TMEM114: variants seen among roughly 807,000 people sequenced by gnomAD.
TMEM114 encodes the protein claudin-26.
Under a neutral mutation model 6.2 loss-of-function variants are expected in TMEM114, and 6 were observed. The ratio of observed to expected loss-of-function variants is 0.97; its 90% CI spans 0.53 to 1.91. TMEM114 has a LOEUF of 1.91. Ranked by LOEUF, TMEM114 falls within the 40% of genes most tolerant of loss-of-function variation. The probability of loss-of-function intolerance (pLI) is 0.01; values close to 1 mark genes in which losing one functional copy is unlikely to be tolerated. For synonymous variants in TMEM114, 104 were observed against 73.0 expected (o/e 1.42, Z -2.16); for missense variants, 218 against 158.3 (o/e 1.38, Z -2.02).
chr16:8,541,582 C>T (rs555637455), intron 2 of TMEM114, among the ~76,000 whole-genome samples: 3 of 152,118 alleles, frequency 2.0e-5, no homozygotes, highest in Non-Finnish European at 2.9e-5. Context: ...TCATTCCAGT[C>T]CCACATCTTC....
At chr16:8,538,374 A>G (rs1900422041) in intron 2 of TMEM114, among the ~76,000 whole-genome samples, 1 of 152,128 alleles carries the variant, frequency 6.6e-6, no homozygotes, top group Admixed American at 6.5e-5. Context: ...GAGATAAGCC[A>G]GTGGGCAGAT....
the TMEM114 span, among the ~76,000 whole-genome samples, chr16:8,531,766 G>C: frequency 1.3e-5 from 2 of 152,216 alleles, no homozygotes; most frequent in Admixed American, 6.5e-5. Flanking sequence ...AATGATCAAT[G>C]TAACAGTCAA....
chr16:8,547,792 C>A (rs1380398887), intron 2 of TMEM114, among the ~76,000 whole-genome samples: 3 of 152,076 alleles, frequency 2.0e-5, no homozygotes, highest in African/African-American at 7.2e-5. Context: ...GAAGTGCGGA[C>A]CACAGTCATG....
At chr16:8,550,686 A>C (rs1346740518) in intron 2 of TMEM114, among the ~76,000 whole-genome samples, 1 of 70,164 alleles carries the variant, frequency 1.4e-5, no homozygotes, top group Non-Finnish European at 2.9e-5. Context: ...CAAAAAAAAC[A>C]AAAAAAAAAA....
intron 2 of TMEM114, among the ~76,000 whole-genome samples, chr16:8,540,837 G>A (rs1900495851): frequency 6.6e-6 from 1 of 152,242 alleles, no homozygotes; most frequent in Non-Finnish European, 1.5e-5. Context: ...GATGTTTCAA[G>A]AGCTGACAAC....
chr16:8,553,369 A>G (rs539556446), intron 2 of TMEM114, among the ~76,000 whole-genome samples: 1 of 152,346 alleles, frequency 6.6e-6, no homozygotes, highest in South Asian at 2.1e-4. Flanking sequence ...TGTAGAGTCC[A>G]AAGAATCAGG....
intron 2 of TMEM114, among the ~76,000 whole-genome samples, chr16:8,561,226 C>A (rs1005001076): frequency 1.3e-5 from 2 of 152,232 alleles, no homozygotes; most frequent in African/African-American, 4.8e-5. Flanking sequence ...GATTCCCCTT[C>A]CCTTGCCTAT....
chr16:8,588,863 C>T (rs918108584), intron 2 of TMEM114, among the ~76,000 whole-genome samples: 1 of 152,224 alleles, frequency 6.6e-6, no homozygotes, highest in South Asian at 2.1e-4. Context: ...GGCTTCCCAC[C>T]TTCCCTTCCT....
At chr16:8,573,937 G>T (rs528471141) in intron 2 of TMEM114, among the ~76,000 whole-genome samples, 1 of 152,242 alleles carries the variant, frequency 6.6e-6, no homozygotes, top group Non-Finnish European at 1.5e-5. Context: ...GTTTCTAGCA[G>T]AGGTTCTGTT....
At chr16:8,528,091 G>T in the TMEM114 span, among the ~76,000 whole-genome samples, 1 of 151,900 alleles carries the variant, frequency 6.6e-6, no homozygotes. Context: ...GGTAGAGATG[G>T]GATTTCGCCA....
rs1901654760 is a variant in TMEM114, at chr16:8,569,581, G to A, written c.*192C>T. On this transcript the variant is annotated 3_prime_UTR_variant, in exon 4 of 4. Coordinates refer to ENST00000620492, the MANE Select transcript of TMEM114 (RefSeq NM_001146336.2). ...CCTCCAGGCCACACGGACACACACGGACATAAGCACACAGGTACTAGGATA... is the reference window on the plus strand; with the variant it reads ...CCTCCAGGCCACACGGACACACACGAACATAAGCACACAGGTACTAGGATA... 7.0e-7 allele frequency: 1 copy of A among 1,427,630 alleles called. No homozygotes were observed. The highest frequency in any genetic ancestry group is 1.5e-5 in the South Asian group (1 of 66,110). 88.4% of individuals were successfully genotyped at this position (1,427,630 alleles called of 1,614,324 possible).
chr16:8,586,216 A>C (rs1255527660), intron 2 of TMEM114, among the ~76,000 whole-genome samples: 1 of 152,180 alleles, frequency 6.6e-6, no homozygotes, highest in Non-Finnish European at 1.5e-5. Flanking sequence ...CTGAGCACTT[A>C]CCATATGTCT....
At chr16:8,548,077 G>C (rs573177335) in intron 2 of TMEM114, among the ~76,000 whole-genome samples, 7 of 152,240 alleles carry the variant, frequency 4.6e-5, no homozygotes, top group African/African-American at 1.7e-4. Flanking sequence ...TCACGCTCCT[G>C]GAACGGCTGC....
downstream of TMEM114, among the ~76,000 whole-genome samples, chr16:8,568,196 G>A (rs1324376528): frequency 3.9e-5 from 6 of 152,106 alleles, no homozygotes; most frequent in East Asian, 1.9e-4. Flanking sequence ...TCCTCACCAC[G>A]GGCTACGTAT....
intron 2 of TMEM114, among the ~76,000 whole-genome samples, chr16:8,573,614 G>A (rs58540096): frequency 0.023 from 3,570 of 152,162 alleles, 174 homozygotes; most frequent in African/African-American, 0.082. Flanking sequence ...AATGTGTATT[G>A]GTTGTTTACT....
At chr16:8,550,676 CAAAAAAAACAAAAA>C (rs1270915934) in intron 2 of TMEM114, among the ~76,000 whole-genome samples, 5 of 114,442 alleles carry the variant, frequency 4.4e-5, no homozygotes, top group Non-Finnish European at 7.8e-5. Flanking sequence ...AAAACTTCGT[CAAAAAAAACAAAAA>C]AAAAAAAACC....
chr16:8,535,542 G>C (rs542078523), downstream of TMEM114, among the ~76,000 whole-genome samples: 40 of 152,112 alleles, frequency 2.6e-4, 1 homozygote, highest in South Asian at 5.4e-3. Context: ...TAATACATTT[G>C]CCAAGTATTA....
chr16:8,548,497 A>C (rs1567196564), intron 2 of TMEM114, among the ~76,000 whole-genome samples: 1 of 151,972 alleles, frequency 6.6e-6, no homozygotes, highest in Non-Finnish European at 1.5e-5. Flanking sequence ...TCGTCACCCC[A>C]CACACACCCT....
chr16:8,555,187 C>G (rs1273062846), intron 2 of TMEM114, among the ~76,000 whole-genome samples: 4 of 152,172 alleles, frequency 2.6e-5, no homozygotes, highest in African/African-American at 9.7e-5. Flanking sequence ...TTCTGAGCAC[C>G]TCATACATCC....
Sources: allele counts gnomAD v4.1 joint callset (sites outside exome capture counted in the v4.1 genomes callset), GRCh38; gene constraint gnomAD v4.1.1; transcripts MANE v1.5; gene names NCBI Gene and HGNC (gene_info 2026-07-23, HGNC 2026-07-21).